DCLRE1C: variants seen among roughly 807,000 people sequenced by gnomAD.
DCLRE1C encodes the protein DNA cross-link repair 1C.
DCLRE1C carries 47 observed loss-of-function variants against 61.4 expected under a neutral mutation model. The observed-to-expected ratio is 0.77, with a 90% CI of 0.61 to 0.98. The LOEUF (loss-of-function observed/expected upper bound fraction) is 0.98. Ranked by LOEUF, DCLRE1C falls within the 50% of genes least tolerant of loss-of-function variation. The probability of loss-of-function intolerance (pLI) is 0.00; values close to 1 mark genes in which losing one functional copy is unlikely to be tolerated. For missense variants in DCLRE1C, 858 were observed against 816.0 expected, an observed-to-expected ratio of 1.05 and a Z score of -0.63; for synonymous variants, 337 against 287.6, an observed-to-expected ratio of 1.17 and a Z score of -1.74.
Position 14,907,434 on chromosome 10 carries a change from G to A in DCLRE1C, c.*974C>T, listed in dbSNP as rs41300686. 2.5e-3 allele frequency among the ~76,000 whole-genome samples: 375 copies of A among 151,762 alleles called. 1 individual carries two copies. The highest frequency in any genetic ancestry group is 8.6e-3 in the African/African-American group (357 of 41,398). ...CTATAAATGTCAATTTAATCCAGTC[G>A]GCTTATGATTTTCAGTTCTATATTC... On this transcript the variant is annotated 3_prime_UTR_variant, in exon 14 of 14. Coordinates refer to ENST00000378278, the MANE Select transcript of DCLRE1C (RefSeq NM_001033855.3).
In DCLRE1C at chr10:14,908,165, C is replaced by CTTTGTTTTT. The variant is rs1834618932; in HGVS notation, c.*242_*243insAAAAACAAA. The CTTTGTTTTT allele has an allele frequency of 1.0e-5, 2 of 197,858 alleles. No individual in the cohort carries two copies. The highest frequency in any genetic ancestry group is 8.2e-6 in the Non-Finnish European group (1 of 121,636). The allele number at this position is 197,858 out of a possible 1,614,324, so 12.3% of individuals were successfully genotyped here. ...CAGAGTAGCCCACCACCATGCCTGG[C>CTTTGTTTTT]TTTTTTTTTTTTTTTTTTTTTTGTA... On this transcript the variant is annotated 3_prime_UTR_variant, in exon 14 of 14. Coordinates refer to ENST00000378278, the MANE Select transcript of DCLRE1C (RefSeq NM_001033855.3).
intron 13 of DCLRE1C, among the ~76,000 whole-genome samples, chr10:14,913,614 T>A (rs748137092): frequency 2.0e-5 from 3 of 152,190 alleles, no homozygotes; most frequent in Non-Finnish European, 2.9e-5. Context: ...AGGTTCCACA[T>A]CTGTAGATTT....
chr10:14,943,091 C>T (rs904261282), intron 3 of DCLRE1C, among the ~76,000 whole-genome samples: 3 of 152,038 alleles, frequency 2.0e-5, no homozygotes, highest in Admixed American at 6.6e-5. Flanking sequence ...CACGCCTCTG[C>T]GCTCCAGCCT....
chr10:14,909,228 G>GCAGT lies in DCLRE1C; in HGVS notation c.1255_1258dup (p.Ala420AspfsTer9). 6.2e-7 allele frequency: 1 copy of GCAGT among 1,613,934 alleles called. No individual in the cohort carries two copies. The highest frequency in any genetic ancestry group is 8.5e-7 in the Non-Finnish European group (1 of 1,179,954). On this transcript the variant is annotated frameshift_variant, in exon 14 of 14. Transcript: ENST00000378278. LOFTEE classifies it low-confidence loss of function (END_TRUNC). ...TTTTTCAGGCTGCTTTTCTGATACT[G>GCAGT]CAGTCATTGAAAATACCTCAGGGTG...
At position 14,928,144 on chromosome 10, in the gene DCLRE1C, T is replaced by C. The variant is rs149039288; in HGVS notation, c.789A>G (p.Glu263=). 26 of 1,613,186 alleles carry C rather than the reference T, an allele frequency of 1.6e-5. No homozygotes were observed. The African/African-American group carries it at 2.8e-4, about 17-fold the overall frequency. The stretch of plus-strand genomic sequence containing the variant: ...AGGGTAATTTGCTCCACTGAAAATA[T>C]TCCTCTGCCTAAAAAAGATAAAAAG... ...IHACRHPKAE[E]YFQWSKLPCG... Residue 263 remains glutamate (E), a synonymous_variant, in exon 10 of 14, where the codon GAA becomes GAG. Coordinates refer to ENST00000378278, the MANE Select transcript of DCLRE1C (RefSeq NM_001033855.3).
chr10:14,946,649 C>G (rs1172314610), intron 2 of DCLRE1C, among the ~76,000 whole-genome samples: 1 of 146,896 alleles, frequency 6.8e-6, no homozygotes, highest in Non-Finnish European at 1.5e-5. Flanking sequence ...GCCATCCTGA[C>G]AGACTCACGC....
At chr10:14,902,788 T>C (rs1212279120), downstream of DCLRE1C, 6 of 204,704 alleles carry the variant, frequency 2.9e-5, no homozygotes, top group Non-Finnish European at 5.9e-5. Context: ...CTTAAGTCTA[T>C]GTGAACAGAG....
exon 14 of DCLRE1C, chr10:14,898,291 A>T (rs1833746143): frequency 7.0e-6 from 1 of 142,534 alleles, no homozygotes; most frequent in South Asian, 2.2e-4. Context: ...CCAAGGTCAC[A>T]CAGGTCACAT....
At chr10:14,934,662 G>T (rs559876280) in intron 7 of DCLRE1C, 41 bp downstream of exon 7, 23 of 1,610,858 alleles carry the variant, frequency 1.4e-5, no homozygotes, top group East Asian at 2.2e-5. Context: ...AAAAACACGG[G>T]CACACCCAGA....
chr10:14,945,287 G>C lies in DCLRE1C; in HGVS notation c.162-98C>G, dbSNP rs568834586. ...CATCATACATCTAATAATTTCATTT[G>C]AGACCAGTCTGACCAACATGGTGAA... On this transcript the variant is annotated intron_variant, in intron 2 of 13. Coordinates refer to ENST00000378278, the MANE Select transcript of DCLRE1C (RefSeq NM_001033855.3). 5.3e-4 allele frequency: 759 copies of C among 1,422,172 alleles called. 8 individuals are homozygous for C. The South Asian group carries it at 7.4e-3, about 14-fold the overall frequency. 88.1% of individuals were successfully genotyped at this position (1,422,172 alleles called of 1,614,324 possible).
rs1834715620 is a variant in DCLRE1C, at chr10:14,908,638, T to G, written c.1849A>C (p.Ser617Arg). The G allele has an allele frequency of 5.0e-6, 8 of 1,614,218 alleles. No individual in the cohort carries two copies. The African/African-American group carries it at 8.0e-5, about 16-fold the overall frequency. ...SRDKDVTIVP[S>R]TGEPTTLSSE... is the part of the protein sequence containing the mutation. ...CTTAGAGTAGTTGGTTCTCCAGTAC[T>G]AGGAACTATTGTCACATCTTTATCT... The change falls in exon 14 of 14, where the codon AGT becomes CGT. Residue 617 changes from serine to arginine, a missense_variant. By Grantham distance (110) the Ser-to-Arg change is moderately radical. Transcript: ENST00000378278.
chr10:14,936,389 C>G, intron 5 of DCLRE1C, 149 bp downstream of exon 5: 1 of 528,940 alleles, frequency 1.9e-6, no homozygotes, highest in Non-Finnish European at 3.5e-6. Flanking sequence ...CTCAAGCAAT[C>G]CTCCCGCGTC....
chr10:14,953,576 TG>T (rs1842767332), intron 1 of DCLRE1C, among the ~76,000 whole-genome samples: 1 of 152,046 alleles, frequency 6.6e-6, no homozygotes, highest in East Asian at 1.9e-4. Context: ...TCTTCATACA[TG>T]GTAGCGAGGC....
rs762013968 is a variant in DCLRE1C at position 14,908,906 on chromosome 10, T to G, written c.1581A>C (p.Gly527=). 6.2e-7 allele frequency: 1 copy of G among 1,614,214 alleles called. No individual in the cohort carries two copies. Among genetic ancestry groups the G allele is most frequent in the East Asian group, 2.2e-5 (1 of 44,878 alleles). Residue 527 remains glycine (G), a synonymous_variant, in exon 14 of 14, where the codon GGA becomes GGC. Coordinates refer to ENST00000378278, the MANE Select transcript of DCLRE1C (RefSeq NM_001033855.3). ...TCTGGGAGGAGATGTGAGTTGATTCTCCATCAGAGTCACTGAAAAGCTTTG... is the reference window on the plus strand; with the variant it reads ...TCTGGGAGGAGATGTGAGTTGATTCGCCATCAGAGTCACTGAAAAGCTTTG... ...QSPKLFSDSD[G]ESTHISSQNS...
At position 14,935,472 on chromosome 10, in the gene DCLRE1C, G is replaced by T; in HGVS notation, c.455C>A (p.Ser152Tyr). ...ATACGAGGCCCAGTACCTGCCCCCGGAGTGCAGAAGCTCCATTCTAGCAGC... is the reference window on the plus strand; with the variant it reads ...ATACGAGGCCCAGTACCTGCCCCCGTAGTGCAGAAGCTCCATTCTAGCAGC... ...GEAARMELLH[S>Y]GGRVKDIQSV... Residue 152 changes from serine to tyrosine, a missense_variant, in exon 6 of 14, where the codon TCC becomes TAC. This residue lies in a region of DCLRE1C where 843 missense variants were observed against 783.5 expected (regional missense o/e 1.08). Transcript: ENST00000378278. 6.2e-7 allele frequency: 1 copy of T among 1,614,018 alleles called. No individual in the cohort carries two copies. The highest frequency in any genetic ancestry group is 1.3e-5 in the African/African-American group (1 of 75,034).
At position 14,907,072 on chromosome 10, in the gene DCLRE1C, A is replaced by T. The variant is rs552612085; in HGVS notation, c.*1336T>A. ...GACAGGGTCTCCCTGTGTGTTGCCC[A>T]GGCTGGACTCAAAACCCTGAGCTCA... On this transcript the variant is annotated 3_prime_UTR_variant, in exon 14 of 14. Coordinates refer to ENST00000378278, the MANE Select transcript of DCLRE1C (RefSeq NM_001033855.3). 2.0e-5 allele frequency among the ~76,000 whole-genome samples: 3 copies of T among 152,144 alleles called. No homozygotes were observed. Among genetic ancestry groups the T allele is most frequent in the South Asian group, 2.1e-4 (1 of 4,812 alleles).
At chr10:14,917,874 A>G (rs187878636) in intron 13 of DCLRE1C, among the ~76,000 whole-genome samples, 97 of 152,326 alleles carry the variant, frequency 6.4e-4, no homozygotes, top group African/African-American at 2.1e-3. Flanking sequence ...CACTTCACCA[A>G]TGAAGATACA....
chr10:14,919,833 C>A lies in DCLRE1C; in HGVS notation c.1062-1G>T. ...GGAAGACCGGCATAAAGGCTTTAAG[C>A]TGAAATGAATCAGAATATTTGATTT... is the stretch of plus-strand genomic sequence containing the variant. On this transcript the variant is annotated splice_acceptor_variant, in intron 12 of 13. Transcript: ENST00000378278. LOFTEE classifies it high-confidence loss of function. The A allele has an allele frequency of 2.5e-6, 4 of 1,608,512 alleles. No homozygotes were observed. The highest frequency in any genetic ancestry group is 3.4e-6 in the Non-Finnish European group (4 of 1,174,978).
At chr10:14,933,431 G>A (rs1839354571) in intron 8 of DCLRE1C, among the ~76,000 whole-genome samples, 1 of 152,164 alleles carries the variant, frequency 6.6e-6, no homozygotes, top group Non-Finnish European at 1.5e-5. Flanking sequence ...GAGGTCAGGA[G>A]ATCGAGACCA....
Sources: gnomAD v4.1 joint callset for allele counts (sites outside exome capture counted in the v4.1 genomes callset) on GRCh38, gnomAD v4.1.1 for gene constraint, gnomAD v4.1.1 regional missense constraint, MANE v1.5 for transcripts, NCBI Gene and HGNC (gene_info 2026-07-23, HGNC 2026-07-21) for gene names.